The following PPP1R16B variants were observed in gnomAD, a reference collection of about 807,000 sequenced individuals.
PPP1R16B encodes protein phosphatase 1 regulatory inhibitor subunit 16B.
In PPP1R16B, 14 loss-of-function variants were observed where a neutral mutation model predicts 61.7. That is an observed-to-expected ratio of 0.23 (90% confidence interval 0.15 to 0.35). PPP1R16B has a LOEUF of 0.35. Among genes scored for constraint, PPP1R16B ranks in the 10% least tolerant of loss-of-function variants. The probability of loss-of-function intolerance (pLI) is 1.00; values close to 1 mark genes in which losing one functional copy is unlikely to be tolerated. For missense variants in PPP1R16B, 547 were observed against 752.5 expected, an observed-to-expected ratio of 0.73 and a Z score of 3.19; for synonymous variants, 266 against 305.3, an observed-to-expected ratio of 0.87 and a Z score of 1.34.
At chr20:38,860,997 G>C (rs186796970) in intron 2 of PPP1R16B, among the ~76,000 whole-genome samples, 1 of 152,218 alleles carries the variant, frequency 6.6e-6, no homozygotes, top group East Asian at 1.9e-4. Context: ...TCCTCCAGTA[G>C]TGCCCATCTT....
chr20:38,820,415 G>A (rs866771037), intron 1 of PPP1R16B, among the ~76,000 whole-genome samples: 3 of 152,016 alleles, frequency 2.0e-5, no homozygotes, highest in South Asian at 2.1e-4. Flanking sequence ...AAAATTAGCC[G>A]GGTGTGGTGG....
chr20:38,844,423 T>C (rs1298263936), intron 2 of PPP1R16B, among the ~76,000 whole-genome samples: 4 of 152,256 alleles, frequency 2.6e-5, no homozygotes, highest in African/African-American at 9.6e-5. Flanking sequence ...TACTCAAGTC[T>C]GAATAACCAT....
At chr20:38,893,905 G>T (rs1362370375) in intron 3 of PPP1R16B, among the ~76,000 whole-genome samples, 1 of 152,178 alleles carries the variant, frequency 6.6e-6, no homozygotes, top group East Asian at 1.9e-4. Flanking sequence ...GACCCCAGGG[G>T]CTCCTCAGCG....
intron 2 of PPP1R16B, among the ~76,000 whole-genome samples, chr20:38,864,543 C>T (rs1309799088): frequency 6.6e-6 from 1 of 152,164 alleles, no homozygotes; most frequent in African/African-American, 2.4e-5. Flanking sequence ...GGTGAAGTAA[C>T]ATGGCCAGTC....
intron 1 of PPP1R16B, among the ~76,000 whole-genome samples, chr20:38,810,101 T>C (rs2084690724): frequency 6.6e-6 from 1 of 151,080 alleles, no homozygotes; most frequent in Non-Finnish European, 1.5e-5. Flanking sequence ...TTATTGCCAA[T>C]AACAGGTGGG....
intron 2 of PPP1R16B, among the ~76,000 whole-genome samples, chr20:38,885,561 C>CA (rs889022158): frequency 6.6e-6 from 1 of 152,120 alleles, no homozygotes; most frequent in Non-Finnish European, 1.5e-5. Context: ...TAGAATGGTC[C>CA]ACTGGCCACC....
rs140588415 is a variant in PPP1R16B at position 38,817,180 on chromosome 20, A to G, written c.-102+11388A>G. 2.8e-3 allele frequency among the ~76,000 whole-genome samples: 431 copies of G among 152,366 alleles called. 2 individuals carry two copies. Among genetic ancestry groups the G allele is most frequent in the African/African-American group, 9.8e-3 (407 of 41,578 alleles). On this transcript the variant is annotated intron_variant, in intron 1 of 10. Coordinates refer to ENST00000299824, the MANE Select transcript of PPP1R16B (RefSeq NM_015568.4). ...CAATTACCAGAGTGCTGAGTGCCAC[A>G]GAAGAGATGTGGTCAAATGCCTTGG...
Position 38,895,577 on chromosome 20 carries a change from A to T in PPP1R16B, c.334A>T (p.Asn112Tyr). 6.2e-7 allele frequency: 1 copy of T among 1,613,852 alleles called. No individual in the cohort carries two copies. Residue 112 changes from asparagine to tyrosine, a missense_variant, in exon 4 of 11, where the codon AAC becomes TAC. Coordinates refer to ENST00000299824, the MANE Select transcript of PPP1R16B (RefSeq NM_015568.4). Reference sequence around the variant, plus strand: ...GTGTCTCTCCCAGTGCTGCATCGACAACTTTGAGGAAATTGTGAAGCTGCT... The same window carrying T: ...GTGTCTCTCCCAGTGCTGCATCGACTACTTTGAGGAAATTGTGAAGCTGCT... ...LTALHQCCID[N>Y]FEEIVKLLLS...
At chr20:38,903,669 C>T (rs1417898595) in intron 6 of PPP1R16B, among the ~76,000 whole-genome samples, 3 of 152,192 alleles carry the variant, frequency 2.0e-5, no homozygotes, top group Non-Finnish European at 4.4e-5. Context: ...TGAGCACCTC[C>T]TCTGTGCACA....
chr20:38,815,261 T>G (rs1032187316), intron 1 of PPP1R16B, among the ~76,000 whole-genome samples: 1 of 152,248 alleles, frequency 6.6e-6, no homozygotes, highest in Non-Finnish European at 1.5e-5. Flanking sequence ...TTATCCATTT[T>G]TCTTTTTAAC....
At chr20:38,813,551 G>A (rs2084714858) in intron 1 of PPP1R16B, among the ~76,000 whole-genome samples, 2 of 152,142 alleles carry the variant, frequency 1.3e-5, no homozygotes, top group Non-Finnish European at 2.9e-5. Flanking sequence ...ATTGCTGATG[G>A]GCACAGTGGC....
At chr20:38,872,493 C>T (rs2145745900) in intron 2 of PPP1R16B, among the ~76,000 whole-genome samples, 1 of 152,286 alleles carries the variant, frequency 6.6e-6, no homozygotes, top group African/African-American at 2.4e-5. Context: ...CATTCTCAAA[C>T]TTGACAGTGC....
chr20:38,885,924 C>G (rs188357009), intron 2 of PPP1R16B, among the ~76,000 whole-genome samples: 1 of 152,154 alleles, frequency 6.6e-6, no homozygotes, highest in East Asian at 1.9e-4. Flanking sequence ...TACAGGCGTG[C>G]GCCACCACGC....
intron 2 of PPP1R16B, among the ~76,000 whole-genome samples, chr20:38,877,486 A>G (rs1051102393): frequency 2.6e-5 from 4 of 151,586 alleles, no homozygotes; most frequent in Admixed American, 2.6e-4. Flanking sequence ...TTTTTTTTGT[A>G]TTTTTAGTAG....
intron 2 of PPP1R16B, among the ~76,000 whole-genome samples, chr20:38,888,152 G>A (rs1200425294): frequency 6.6e-6 from 1 of 152,236 alleles, no homozygotes; most frequent in African/African-American, 2.4e-5. Flanking sequence ...ATGAACCGTA[G>A]CGTGGAGATA....
intron 2 of PPP1R16B, among the ~76,000 whole-genome samples, chr20:38,853,337 C>T (rs777835030): frequency 3.3e-5 from 5 of 152,194 alleles, no homozygotes; most frequent in African/African-American, 7.2e-5. Flanking sequence ...CCATGTTAGG[C>T]TGAGGAAGTT....
chr20:38,909,927 C>T (rs1451343788), intron 10 of PPP1R16B, among the ~76,000 whole-genome samples: 1 of 152,136 alleles, frequency 6.6e-6, no homozygotes, highest in East Asian at 1.9e-4. Context: ...ATTTATTTTT[C>T]CTTTGTGATT....
intron 2 of PPP1R16B, among the ~76,000 whole-genome samples, chr20:38,871,604 GGGAA>G (rs1370470187): frequency 7.4e-6 from 1 of 135,788 alleles, no homozygotes; most frequent in Non-Finnish European, 1.6e-5. Flanking sequence ...GAGGGAGGGA[GGGAA>G]GGAAGGAGGG....
intron 5 of PPP1R16B, among the ~76,000 whole-genome samples, chr20:38,900,903 G>A (rs2085388189): frequency 6.6e-6 from 1 of 152,246 alleles, no homozygotes; most frequent in Non-Finnish European, 1.5e-5. Flanking sequence ...GGGAGGTATT[G>A]ATCTCATTCG....
Sources: gnomAD v4.1 joint callset for allele counts (sites outside exome capture counted in the v4.1 genomes callset) on GRCh38, gnomAD v4.1.1 for gene constraint, MANE v1.5 for transcripts, NCBI Gene and HGNC (gene_info 2026-07-23, HGNC 2026-07-21) for gene names.